Variants in COMMD10 observed in about 807,000 individuals in gnomAD.
COMMD10 encodes the protein COMM domain containing 10.
A neutral mutation model predicts 28.9 loss-of-function variants in COMMD10; 33 were observed. The ratio of observed to expected loss-of-function variants is 1.14; its 90% CI spans 0.87 to 1.53. The LOEUF is 1.53. COMMD10 is among the 40% of genes most tolerant of loss of function. The probability of loss-of-function intolerance (pLI) is 0.00; values close to 1 mark genes in which losing one functional copy is unlikely to be tolerated. For missense variants in COMMD10, 310 were observed against 233.4 expected (o/e 1.33, Z -2.14); for synonymous variants, 110 against 81.7 (o/e 1.35, Z -1.87).
chr5:116,203,304 G>C (rs1447767763), intron 5 of COMMD10, among the ~76,000 whole-genome samples: 1 of 152,112 alleles, frequency 6.6e-6, no homozygotes, highest in East Asian at 1.9e-4. Context: ...GAACCAAGTT[G>C]GAAAACACTC....
chr5:116,204,618 T>C (rs1039671922), intron 5 of COMMD10, among the ~76,000 whole-genome samples: 6 of 152,196 alleles, frequency 3.9e-5, no homozygotes, highest in Non-Finnish European at 8.8e-5. Context: ...TATTTGAATT[T>C]ACAGAATATG....
chr5:116,237,598 G>A (rs570838971), intron 5 of COMMD10, among the ~76,000 whole-genome samples: 10 of 152,102 alleles, frequency 6.6e-5, no homozygotes, highest in African/African-American at 9.6e-5. Flanking sequence ...TCACTGGAGC[G>A]CAAAAGTTTG....
At chr5:116,194,627 T>C (rs1354899036) in intron 5 of COMMD10, among the ~76,000 whole-genome samples, 2 of 152,092 alleles carry the variant, frequency 1.3e-5, no homozygotes, top group Non-Finnish European at 2.9e-5. Flanking sequence ...TCAGGAAGAA[T>C]TGGATTCCTT....
intron 5 of COMMD10, among the ~76,000 whole-genome samples, chr5:116,186,691 G>T (rs1240892115): frequency 6.6e-6 from 1 of 152,112 alleles, no homozygotes; most frequent in Non-Finnish European, 1.5e-5. Flanking sequence ...CTGGTTATAG[G>T]ACTGGAGAGG....
chr5:116,192,549 T>C (rs2112613942), intron 5 of COMMD10, among the ~76,000 whole-genome samples: 1 of 152,200 alleles, frequency 6.6e-6, no homozygotes, highest in South Asian at 2.1e-4. Context: ...ACAATAGAAT[T>C]GAACAATTAT....
chr5:116,119,686 A>G (rs553660998), intron 4 of COMMD10, among the ~76,000 whole-genome samples: 2 of 152,166 alleles, frequency 1.3e-5, no homozygotes, highest in Admixed American at 1.3e-4. Flanking sequence ...ATCATAGCTC[A>G]CTGCAGCCTT....
intron 4 of COMMD10, among the ~76,000 whole-genome samples, chr5:116,126,666 A>C (rs1467510267): frequency 3.9e-5 from 6 of 151,978 alleles, no homozygotes; most frequent in African/African-American, 7.3e-5. Context: ...CAAAAACAAG[A>C]AATGGGGAAA....
At chr5:116,243,374 A>G (rs1749862828) in intron 5 of COMMD10, among the ~76,000 whole-genome samples, 1 of 152,182 alleles carries the variant, frequency 6.6e-6, no homozygotes, top group Non-Finnish European at 1.5e-5. Flanking sequence ...AGAGTATCTT[A>G]CATCCACTGC....
At chr5:116,105,046 G>A (rs1171379909) in intron 4 of COMMD10, among the ~76,000 whole-genome samples, 1 of 152,176 alleles carries the variant, frequency 6.6e-6, no homozygotes. Flanking sequence ...GTTTTCAAAG[G>A]GAATTCTTCC....
intron 5 of COMMD10, among the ~76,000 whole-genome samples, chr5:116,195,736 G>A (rs1748499619): frequency 6.6e-6 from 1 of 151,836 alleles, no homozygotes; most frequent in Admixed American, 6.6e-5. Context: ...ACTCAAATCA[G>A]TAAGAAAAAA....
intron 5 of COMMD10, among the ~76,000 whole-genome samples, chr5:116,201,756 T>C: frequency 6.6e-6 from 1 of 152,110 alleles, no homozygotes; most frequent in East Asian, 1.9e-4. Flanking sequence ...TAAGAAGTTG[T>C]CGTTGGGTTT....
chr5:116,091,865 A>C (rs1460772566), intron 3 of COMMD10, among the ~76,000 whole-genome samples: 1 of 152,196 alleles, frequency 6.6e-6, no homozygotes, highest in East Asian at 1.9e-4. Flanking sequence ...TGTGAAATAA[A>C]AGTTTAAATA....
chr5:116,226,909 A>T (rs1045413856), intron 5 of COMMD10, among the ~76,000 whole-genome samples: 1 of 152,098 alleles, frequency 6.6e-6, no homozygotes, highest in Non-Finnish European at 1.5e-5. Context: ...TTCAGTTTCA[A>T]ATATTAAACA....
At chr5:116,152,496 C>G (rs1752563715) in intron 5 of COMMD10, among the ~76,000 whole-genome samples, 1 of 152,182 alleles carries the variant, frequency 6.6e-6, no homozygotes, top group African/African-American at 2.4e-5. Context: ...TTTGTATTTA[C>G]TTAGTAGCTT....
chr5:116,204,803 G>A (rs532160537), intron 5 of COMMD10, among the ~76,000 whole-genome samples: 7 of 152,192 alleles, frequency 4.6e-5, no homozygotes, highest in East Asian at 1.9e-4. Flanking sequence ...TGTGGAGGTC[G>A]TGGTATACGG....
chr5:116,173,761 G>A (rs1753412131), intron 5 of COMMD10, among the ~76,000 whole-genome samples: 1 of 151,912 alleles, frequency 6.6e-6, no homozygotes, highest in Admixed American at 6.6e-5. Flanking sequence ...ACTAACTGCA[G>A]AAGCCAAAGC....
intron 5 of COMMD10, among the ~76,000 whole-genome samples, chr5:116,271,764 C>T (rs1040627460): frequency 1.6e-4 from 24 of 151,906 alleles, no homozygotes; most frequent in African/African-American, 5.6e-4. Flanking sequence ...TCAGACCCTG[C>T]TTAAATGTCT....
At chr5:116,225,817 T>C (rs1172248831) in intron 5 of COMMD10, among the ~76,000 whole-genome samples, 1 of 152,124 alleles carries the variant, frequency 6.6e-6, no homozygotes, top group Non-Finnish European at 1.5e-5. Flanking sequence ...TGTTTTTTTT[T>C]TTTTCTCTTC....
chr5:116,138,907 G>A (rs961800535), intron 5 of COMMD10, among the ~76,000 whole-genome samples: 1 of 151,452 alleles, frequency 6.6e-6, no homozygotes, highest in Admixed American at 6.6e-5. Flanking sequence ...TCTTTTTGTG[G>A]TTAAAACCTC....
Sources: allele counts gnomAD v4.1 joint callset (sites outside exome capture counted in the v4.1 genomes callset), GRCh38; gene constraint gnomAD v4.1.1; transcripts MANE v1.5; gene names NCBI Gene and HGNC (gene_info 2026-07-23, HGNC 2026-07-21).